SLC12A5: variants seen among roughly 807,000 people sequenced by gnomAD.
The protein encoded by SLC12A5 is solute carrier family 12 member 5, also known as K-Cl cotransporter 2.
Under a neutral mutation model 124.0 loss-of-function variants are expected in SLC12A5, and 18 were observed. The observed-to-expected ratio is 0.15, with a 90% CI of 0.10 to 0.22. The LOEUF (loss-of-function observed/expected upper bound fraction) is 0.22. Ranked by LOEUF, SLC12A5 falls within the 10% of genes least tolerant of loss-of-function variation. The pLI is 1.00. For synonymous variants in SLC12A5, 589 were observed against 568.0 expected, an observed-to-expected ratio of 1.04 and a Z score of -0.53; for missense variants, 867 against 1,478.7, an observed-to-expected ratio of 0.59 and a Z score of 6.78.
intron 6 of SLC12A5, among the ~76,000 whole-genome samples, chr20:46,039,817 C>T (rs1028697567): frequency 6.6e-6 from 1 of 151,732 alleles, no homozygotes; most frequent in Non-Finnish European, 1.5e-5. Flanking sequence ...AAAAAACCAA[C>T]AACAACAATA....
At chr20:46,043,808 G>A (rs2084569771) in intron 10 of SLC12A5, 68 bp from the exon 11 acceptor site, 3 of 1,612,816 alleles carry the variant, frequency 1.9e-6, no homozygotes. Context: ...TGCCTTACCT[G>A]CTGGTGCAGG....
chr20:46,022,578 A>C, intron 1 of SLC12A5: 43 of 330,984 alleles, frequency 1.3e-4, no homozygotes, highest in South Asian at 1.5e-4. Flanking sequence ...GAGGCAGGGA[A>C]GTTAGTATGG....
At chr20:46,041,177 A>AG in intron 7 of SLC12A5, 152 bp from the exon 8 acceptor site, 2 of 651,042 alleles carry the variant, frequency 3.1e-6, no homozygotes. Flanking sequence ...AAAAAAAAAA[A>AG]GCCAATGGCC....
chr20:46,058,908 G>A lies in SLC12A5; in HGVS notation c.*1303G>A, dbSNP rs558019678. The A allele has an allele frequency of 2.5e-6, 1 of 396,278 alleles. No homozygotes were observed. Among genetic ancestry groups the A allele is most frequent in the African/African-American group, 2.1e-5 (1 of 48,612 alleles). 24.5% of individuals were successfully genotyped at this position (396,278 alleles called of 1,614,324 possible). On this transcript the variant is annotated 3_prime_UTR_variant, in exon 26 of 26. Transcript: ENST00000243964. This position sits in a 1 kb window ranked among gnomAD's most constrained non-coding sequence, Gnocchi z 5.8. ...CCTCGCTGCTTAGCAGCGGCCTCTA[G>A]CTCCGTCTCCCGGGGACCTGGGCCT...
Position 46,053,829 on chromosome 20 carries a change from C to T in SLC12A5, c.2679+120C>T. ...TGATGCTGGATCCTTTCCCCCTCAT[C>T]CATCTCTTAGCCTCTCACATATTCA... is the stretch of plus-strand genomic sequence containing the variant. On this transcript the variant is annotated intron_variant, in intron 20 of 25. Transcript: ENST00000243964. The surrounding 1 kb of genome is among the most constrained non-coding windows in gnomAD (Gnocchi z 4.7). 1 of 1,165,256 alleles carries T rather than the reference C, an allele frequency of 8.6e-7. No homozygotes were observed. The highest frequency in any genetic ancestry group is 1.2e-6 in the Non-Finnish European group (1 of 851,094). The allele number at this position is 1,165,256 out of a possible 1,614,324, so 72.2% of individuals were successfully genotyped here.
intron 18 of SLC12A5, among the ~76,000 whole-genome samples, chr20:46,052,348 G>T (rs537234949): frequency 8.5e-5 from 13 of 152,360 alleles, no homozygotes; most frequent in Admixed American, 5.2e-4. Context: ...GTCCTAGGAG[G>T]GCTACGCATT....
chr20:46,044,734 G>A, intron 11 of SLC12A5: 1 of 553,070 alleles, frequency 1.8e-6, no homozygotes, highest in Non-Finnish European at 3.2e-6. Flanking sequence ...ACGTGGGGCT[G>A]GGACCTATGC....
At chr20:46,036,995 C>T (rs2145484245) in intron 5 of SLC12A5, among the ~76,000 whole-genome samples, 200 bp downstream of exon 5, 1 of 151,990 alleles carries the variant, frequency 6.6e-6, no homozygotes, top group South Asian at 2.1e-4. Flanking sequence ...CCCAACTCAT[C>T]CTGAGACCCT....
intron 7 of SLC12A5, 33 bp from the exon 8 acceptor site, chr20:46,041,296 C>T (rs1418936404): frequency 6.2e-7 from 1 of 1,601,872 alleles, no homozygotes; most frequent in African/African-American, 1.3e-5. Flanking sequence ...GGTTATGTGG[C>T]TCCCCACCTT....
At chr20:46,028,868 C>T (rs1246235094), upstream of SLC12A5, 1 of 155,356 alleles carries the variant, frequency 6.4e-6, no homozygotes, top group East Asian at 1.9e-4. Context: ...AGTTCCCTGC[C>T]GTTATTTTTA....
intron 2 of SLC12A5, 23 bp from the exon 3 acceptor site, chr20:46,035,381 G>A: frequency 6.2e-7 from 1 of 1,604,512 alleles, no homozygotes; most frequent in Non-Finnish European, 8.5e-7. Context: ...CAGCCTCCTA[G>A]CACTGACACC....
Position 46,053,525 on chromosome 20 carries a change from TCTC to T in SLC12A5, c.2548-49_2548-47del. ...TGAGCGGACAGGGCCTGGCCCTGGA[TCTC>T]CTCATCACATCTGGGCTGGACCTTT... On this transcript the variant is annotated intron_variant, in intron 19 of 25. Transcript: ENST00000243964. This position sits in a 1 kb window ranked among gnomAD's most constrained non-coding sequence, Gnocchi z 4.7. 3 of 1,607,138 alleles carry T rather than the reference TCTC, an allele frequency of 1.9e-6. No individual in the cohort carries two copies. Among genetic ancestry groups the T allele is most frequent in the East Asian group, 4.5e-5 (2 of 44,790 alleles).
Position 46,057,430 on chromosome 20 carries a change from C to G in SLC12A5, c.3260-84C>G, listed in dbSNP as rs1042137220. Reference sequence around the variant, plus strand: ...AGCACCTCGGACAGGGACACGGGCGCGAGAGGTCCCCTGGCAGCCGAGCGC... The same window carrying G: ...AGCACCTCGGACAGGGACACGGGCGGGAGAGGTCCCCTGGCAGCCGAGCGC... On this transcript the variant is annotated intron_variant, in intron 25 of 25. Coordinates refer to ENST00000243964, the MANE Select transcript of SLC12A5 (RefSeq NM_020708.5). The surrounding 1 kb of genome is among the most constrained non-coding windows in gnomAD (Gnocchi z 7.1). 3.8e-5 allele frequency: 61 copies of G among 1,600,314 alleles called. No individual in the cohort carries two copies. Among genetic ancestry groups the G allele is most frequent in the Non-Finnish European group, 4.9e-5 (57 of 1,167,756 alleles).
chr20:46,035,941 C>T lies in SLC12A5; in HGVS notation c.426+18C>T. On this transcript the variant is annotated intron_variant, in intron 4 of 25. Coordinates refer to ENST00000243964, the MANE Select transcript of SLC12A5 (RefSeq NM_020708.5). Reference sequence around the variant, plus strand: ...GCTCCTGTGTGAGTGACACCCCTCCCCTCACCACCCCCTGACAGCTGGGGC... The same window carrying T: ...GCTCCTGTGTGAGTGACACCCCTCCTCTCACCACCCCCTGACAGCTGGGGC... 1 of 1,596,984 alleles carries T rather than the reference C, an allele frequency of 6.3e-7. No individual in the cohort carries two copies. Among genetic ancestry groups the T allele is most frequent in the Non-Finnish European group, 8.6e-7 (1 of 1,167,346 alleles).
Position 46,053,153 on chromosome 20 carries a change from CG to C in SLC12A5, c.2547+28del. 6.3e-7 allele frequency: 1 copy of C among 1,594,490 alleles called. No individual in the cohort carries two copies. The highest frequency in any genetic ancestry group is 8.6e-7 in the Non-Finnish European group (1 of 1,164,012). On this transcript the variant is annotated intron_variant, in intron 19 of 25. Transcript: ENST00000243964. The surrounding 1 kb of genome is among the most constrained non-coding windows in gnomAD (Gnocchi z 4.7). ...TGAGTTGTGTGCGTGAGTGTATGCACGTGTGAGTGTGTGTATGCATGTATGC... is the reference window on the plus strand; with the variant it reads ...TGAGTTGTGTGCGTGAGTGTATGCACTGTGAGTGTGTGTATGCATGTATGC...
intron 1 of SLC12A5, among the ~76,000 whole-genome samples, chr20:46,031,009 T>C (rs1435885963): frequency 1.3e-5 from 2 of 152,082 alleles, no homozygotes; most frequent in Admixed American, 1.3e-4. Flanking sequence ...GCGCCAGGCA[T>C]CCCGACGCGG....
In SLC12A5 at chr20:46,041,344, T is replaced by C; in HGVS notation, c.870T>C (p.Gly290=). 6.2e-7 allele frequency: 1 copy of C among 1,614,106 alleles called. No individual in the cohort carries two copies. Residue 290 remains glycine, a synonymous_variant, in exon 8 of 26, where the codon GGT becomes GGC. Transcript: ENST00000243964. ...DPPNFPICLL[G]NRTLSRHGFD... ...CTCTCCCTAGGATCTGCCTCCTGGG[T>C]AACCGCACGCTGTCTCGCCATGGCT...
Position 46,042,570 on chromosome 20 carries a change from C to T in SLC12A5, c.1067-583C>T, listed in dbSNP as rs916480259. On this transcript the variant is annotated intron_variant, in intron 8 of 25. Transcript: ENST00000243964. ...CCTGGCATCTAGTAGGTAGAGGCCA[C>T]GATGCTGCTAAACATCCTACAATGC... Among the ~76,000 whole-genome samples, 3 of 152,020 alleles carry T rather than the reference C, an allele frequency of 2.0e-5. 1 individual carries two copies. In the South Asian group the frequency reaches 6.2e-4, roughly 31 times the overall value.
intron 17 of SLC12A5, 67 bp downstream of exon 17, chr20:46,049,857 T>C: frequency 1.4e-6 from 2 of 1,460,724 alleles, no homozygotes; most frequent in Non-Finnish European, 1.8e-6. Context: ...CTCTATCCTT[T>C]TGTACTTTCC....
Sources: allele counts gnomAD v4.1 joint callset (sites outside exome capture counted in the v4.1 genomes callset), GRCh38; gene constraint gnomAD v4.1.1; non-coding constraint Gnocchi (gnomAD v3.1); transcripts MANE v1.5; gene names NCBI Gene and HGNC (gene_info 2026-07-23, HGNC 2026-07-21).